The following KCNIP4 variants were observed in gnomAD, a reference collection of about 807,000 sequenced individuals.
The protein encoded by KCNIP4 is potassium voltage-gated channel interacting protein 4.
KCNIP4 carries 12 observed loss-of-function variants against 34.0 expected under a neutral mutation model. That is an observed-to-expected ratio of 0.35 (90% CI 0.23 to 0.57). The LOEUF (loss-of-function observed/expected upper bound fraction) is 0.57, where lower values mean the gene tolerates loss of function less well. Ranked by LOEUF, KCNIP4 falls within the 20% of genes least tolerant of loss-of-function variation. KCNIP4 has a pLI of 0.83. For missense variants in KCNIP4, 238 were observed against 311.7 expected (o/e 0.76, Z 1.78); for synonymous variants, 124 against 102.2 (o/e 1.21, Z -1.29).
chr4:20,850,303 A>T (rs1720869283), intron 3 of KCNIP4: 1 of 340,968 alleles, frequency 2.9e-6, no homozygotes, highest in Non-Finnish European at 5.4e-6. Context: ...CAAGAACTGA[A>T]TTGAATAAAA....
intron 1 of KCNIP4, among the ~76,000 whole-genome samples, chr4:21,863,023 T>C (rs113590345): frequency 6.2e-4 from 95 of 152,226 alleles, no homozygotes; most frequent in African/African-American, 2.0e-3. Context: ...TGATTTTTTT[T>C]CCCATACTTT....
At chr4:21,772,817 T>C (rs1718891888) in intron 1 of KCNIP4, among the ~76,000 whole-genome samples, 1 of 152,148 alleles carries the variant, frequency 6.6e-6, no homozygotes, top group East Asian at 1.9e-4. Flanking sequence ...TCCCTCTGCT[T>C]TATTAGTCTA....
rs887132177 is a variant in KCNIP4 at position 21,082,825 on chromosome 4, G to A, written c.62-200116C>T. On this transcript the variant is annotated intron_variant, in intron 1 of 8. Coordinates refer to ENST00000382152, the MANE Select transcript of KCNIP4 (RefSeq NM_025221.6). ...TAATACTTTTGAGGAAAATGACTAT[G>A]TGGTGCTCCAAACTATGTGCAACAT... Among the ~76,000 whole-genome samples the A allele has an allele frequency of 2.8e-4, 43 of 151,814 alleles. 1 individual carries two copies. Among genetic ancestry groups the A allele is most frequent in the Middle Eastern group, 3.4e-3 (1 of 294 alleles).
chr4:21,743,910 C>G (rs1371506184), intron 1 of KCNIP4, among the ~76,000 whole-genome samples: 1 of 151,118 alleles, frequency 6.6e-6, no homozygotes, highest in Admixed American at 6.7e-5. Flanking sequence ...TGCCATGGGA[C>G]TTGATGTTAT....
At chr4:21,943,748 T>G (rs1055242542) in intron 1 of KCNIP4, among the ~76,000 whole-genome samples, 1 of 152,028 alleles carries the variant, frequency 6.6e-6, no homozygotes, top group African/African-American at 2.4e-5. Flanking sequence ...CAAGTTAGGT[T>G]TCAGTAAATT....
intron 1 of KCNIP4, among the ~76,000 whole-genome samples, chr4:21,613,989 A>C (rs1744386038): frequency 7.0e-6 from 1 of 142,296 alleles, no homozygotes; most frequent in Admixed American, 6.9e-5. Flanking sequence ...TAAAAATACA[A>C]AAAAAAAAAA....
intron 1 of KCNIP4, chr4:21,851,740 C>T (rs892646734): frequency 2.0e-5 from 3 of 152,038 alleles, no homozygotes; most frequent in African/African-American, 7.2e-5. Context: ...GCTATATATA[C>T]CACGTACACT....
At chr4:21,782,924 T>C (rs965539101) in intron 1 of KCNIP4, among the ~76,000 whole-genome samples, 1 of 152,040 alleles carries the variant, frequency 6.6e-6, no homozygotes, top group African/African-American at 2.4e-5. Flanking sequence ...ATCTCAAACA[T>C]TATATGATCC....
At chr4:21,338,595 A>G (rs1716424412) in intron 1 of KCNIP4, among the ~76,000 whole-genome samples, 1 of 150,812 alleles carries the variant, frequency 6.6e-6, no homozygotes, top group African/African-American at 2.4e-5. Context: ...TGACAGAGTG[A>G]GACTCTGCTT....
intron 1 of KCNIP4, among the ~76,000 whole-genome samples, chr4:21,304,764 G>A (rs1015075774): frequency 6.6e-6 from 1 of 152,142 alleles, no homozygotes; most frequent in Non-Finnish European, 1.5e-5. Flanking sequence ...GGTTTGAGTA[G>A]TAACTATCAT....
At chr4:20,852,188 G>C (rs1721108797) in intron 2 of KCNIP4, among the ~76,000 whole-genome samples, 1 of 152,080 alleles carries the variant, frequency 6.6e-6, no homozygotes, top group African/African-American at 2.4e-5. Flanking sequence ...GAACACTACA[G>C]ACTGATATCC....
intron 1 of KCNIP4, among the ~76,000 whole-genome samples, chr4:21,508,940 G>C (rs961742570): frequency 2.0e-5 from 3 of 152,030 alleles, no homozygotes; most frequent in Admixed American, 2.0e-4. Context: ...TCCTAACATG[G>C]ACACCTTCTT....
intron 1 of KCNIP4, among the ~76,000 whole-genome samples, chr4:21,623,964 G>C (rs1248992899): frequency 6.6e-6 from 1 of 152,032 alleles, no homozygotes; most frequent in East Asian, 1.9e-4. Context: ...AGTGAAAGCA[G>C]GGTGGGTGAT....
At chr4:21,076,968 CA>C (rs1188439006) in intron 1 of KCNIP4, among the ~76,000 whole-genome samples, 30 of 151,856 alleles carry the variant, frequency 2.0e-4, no homozygotes, top group African/African-American at 7.2e-4. Flanking sequence ...ACTAAAAACA[CA>C]AAAAAATTAG....
chr4:21,773,156 C>G (rs1056242798), intron 1 of KCNIP4, among the ~76,000 whole-genome samples: 9 of 152,092 alleles, frequency 5.9e-5, no homozygotes, highest in Admixed American at 2.6e-4. Flanking sequence ...TTGATTTATG[C>G]CTTAATTTCA....
chr4:21,687,428 G>C (rs115548492), intron 1 of KCNIP4, among the ~76,000 whole-genome samples: 1 of 152,040 alleles, frequency 6.6e-6, no homozygotes, highest in South Asian at 2.1e-4. Context: ...AAAAGCACTG[G>C]TGTTGTTCAA....
rs981484470 is a variant in KCNIP4 at position 20,729,599 on chromosome 4, T to TTAAAG, written c.*478_*482dup. 1.5e-5 allele frequency: 2 copies of TTAAAG among 129,828 alleles called. No homozygotes were observed. Among genetic ancestry groups the TTAAAG allele is most frequent in the East Asian group, 1.9e-4 (1 of 5,150 alleles). The allele number at this position is 129,828 out of a possible 1,614,324, so 8.0% of individuals were successfully genotyped here. ...TTTTAATTGTTGTAATCTTGTTTCC[T>TTAAAG]TAAAGTATATAAATGGAATTTAAAT... On this transcript the variant is annotated 3_prime_UTR_variant, in exon 9 of 9. Transcript: ENST00000382152.
chr4:21,376,982 C>T (rs1462373789), intron 1 of KCNIP4, among the ~76,000 whole-genome samples: 5 of 152,242 alleles, frequency 3.3e-5, no homozygotes, highest in African/African-American at 7.2e-5. Flanking sequence ...TACGATCAAA[C>T]GAAGCTTATT....
intron 1 of KCNIP4, among the ~76,000 whole-genome samples, chr4:21,137,313 G>A (rs1487858987): frequency 1.3e-5 from 2 of 152,184 alleles, no homozygotes; most frequent in East Asian, 3.9e-4. Context: ...CATTTCCACA[G>A]ATGAAGAAGA....
Sources: gnomAD v4.1 joint callset for allele counts (sites outside exome capture counted in the v4.1 genomes callset) on GRCh38, gnomAD v4.1.1 for gene constraint, MANE v1.5 for transcripts, NCBI Gene and HGNC (gene_info 2026-07-23, HGNC 2026-07-21) for gene names.